SPATA13: variants seen among roughly 807,000 people sequenced by gnomAD.
SPATA13 encodes spermatogenesis associated 13.
Under a neutral mutation model 104.0 loss-of-function variants are expected in SPATA13, and 50 were observed. The observed-to-expected ratio is 0.48, with a 90% CI of 0.38 to 0.61. The LOEUF (loss-of-function observed/expected upper bound fraction) is 0.61. Ranked by LOEUF, SPATA13 falls within the 20% of genes least tolerant of loss-of-function variation. The pLI, the probability that SPATA13 is intolerant of heterozygous loss-of-function variation, is 0.00. For synonymous variants in SPATA13, 606 were observed against 667.5 expected, an observed-to-expected ratio of 0.91 and a Z score of 1.42; for missense variants, 1,524 against 1,690.6, an observed-to-expected ratio of 0.90 and a Z score of 1.73.
intron 1 of SPATA13, among the ~76,000 whole-genome samples, chr13:24,178,196 A>G (rs561900575): frequency 8.5e-4 from 129 of 152,316 alleles, no homozygotes; most frequent in African/African-American, 3.0e-3. Flanking sequence ...AGATCAACAT[A>G]AAAATTTCCA....
intron 1 of SPATA13, among the ~76,000 whole-genome samples, chr13:24,184,323 A>G (rs1318122487): frequency 3.3e-5 from 5 of 152,168 alleles, no homozygotes; most frequent in Non-Finnish European, 7.3e-5. Flanking sequence ...ATTGTACCCA[A>G]TAATTACTTA....
chr13:24,232,363 TCTTTA>T (rs60948401), intron 2 of SPATA13, among the ~76,000 whole-genome samples: 41,494 of 151,940 alleles, frequency 0.27, 5,896 homozygotes, highest in Non-Finnish European at 0.32. Flanking sequence ...GGGCAAGTCT[TCTTTA>T]CTTTACTGAT....
At chr13:24,213,709 A>G (rs1871145997) in intron 1 of SPATA13, among the ~76,000 whole-genome samples, 1 of 152,228 alleles carries the variant, frequency 6.6e-6, no homozygotes, top group African/African-American at 2.4e-5. Flanking sequence ...ATTACTAATG[A>G]ACAACTTTAA....
At position 24,197,068 on chromosome 13, in the gene SPATA13, C is replaced by T. The variant is rs150250567; in HGVS notation, c.-111-25751C>T. On this transcript the variant is annotated intron_variant, in intron 1 of 12. Transcript: ENST00000382108. ...GCAACAGCAGGTGGCCAAATAACAA[C>T]CAGAGGGCACCTGAGATGGGTATGA... 3.2e-3 allele frequency among the ~76,000 whole-genome samples: 484 copies of T among 152,214 alleles called. 4 individuals carry two copies. Among genetic ancestry groups the T allele is most frequent in the African/African-American group, 0.011 (472 of 41,532 alleles).
intron 7 of SPATA13, among the ~76,000 whole-genome samples, chr13:24,287,460 GC>G (rs1876037275): frequency 6.6e-6 from 1 of 152,210 alleles, no homozygotes. Flanking sequence ...AGTGTGCCCG[GC>G]CCCTCTCTTA....
intron 1 of SPATA13, among the ~76,000 whole-genome samples, chr13:24,208,541 G>A (rs796407799): frequency 1.0e-4 from 15 of 150,504 alleles, no homozygotes; most frequent in African/African-American, 3.7e-4. Context: ...CTTTTCTCCA[G>A]TGGATCGGTT....
intron 4 of SPATA13, among the ~76,000 whole-genome samples, chr13:24,259,256 C>A (rs549029548): frequency 3.5e-4 from 53 of 152,356 alleles, no homozygotes; most frequent in African/African-American, 1.2e-3. Context: ...ATCAGTGCAT[C>A]TTTCTGCTGC....
rs1291406165 is a variant in SPATA13, at chr13:24,205,171, A to C, written c.-111-17648A>C. ...CAAACTATCCCTGTTTGCAGATGAC[A>C]TGATTCTGTATCCTGAAAACCCCAA... On this transcript the variant is annotated intron_variant, in intron 1 of 12. Transcript: ENST00000382108. The surrounding 1 kb of genome is among the most constrained non-coding windows in gnomAD (Gnocchi z 4.1). 2.0e-5 allele frequency among the ~76,000 whole-genome samples: 3 copies of C among 152,214 alleles called. No homozygotes were observed. Among genetic ancestry groups the C allele is most frequent in the Non-Finnish European group, 4.4e-5 (3 of 68,042 alleles).
intron 2 of SPATA13, among the ~76,000 whole-genome samples, chr13:24,238,795 A>G (rs1460048326): frequency 6.6e-6 from 1 of 152,152 alleles, no homozygotes; most frequent in African/African-American, 2.4e-5. Flanking sequence ...TGTGATATAA[A>G]TTTTTCATCT....
rs1040921987 is a variant in SPATA13 at position 24,224,370 on chromosome 13, G to C, written c.1441G>C (p.Gly481Arg). Residue 481 changes from glycine to arginine, a missense_variant, in exon 2 of 13, where the codon GGG (glycine) becomes CGG (arginine). Gly to Arg is a moderately radical substitution (Grantham distance 125, BLOSUM62 -2). Transcript: ENST00000382108. ...PQSPQSPQSP[G>R]AGSASCHSNH... ...GAGCCCTCAGAGCCCCCAGAGCCCC[G>C]GGGCAGGAAGTGCCAGCTGTCACAG... 5 of 1,551,608 alleles carry C rather than the reference G, an allele frequency of 3.2e-6. No individual in the cohort carries two copies. The highest frequency in any genetic ancestry group is 4.4e-6 in the Non-Finnish European group (5 of 1,146,976).
intron 4 of SPATA13, chr13:24,252,730 C>T (rs1665559779): frequency 6.6e-6 from 1 of 152,134 alleles, no homozygotes; most frequent in Admixed American, 6.5e-5. Context: ...GCAACAAAAC[C>T]TAACTCTGGC....
chr13:24,080,593 C>T (rs545302609), intron 3 of SPATA13, among the ~76,000 whole-genome samples: 1 of 152,274 alleles, frequency 6.6e-6, no homozygotes, highest in East Asian at 1.9e-4. Context: ...GTGGACAGGC[C>T]GCACACCACC....
At chr13:24,109,780 G>A (rs1880576722) in intron 3 of SPATA13, among the ~76,000 whole-genome samples, 1 of 152,054 alleles carries the variant, frequency 6.6e-6, no homozygotes, top group Non-Finnish European at 1.5e-5. Context: ...CTAGGAGGTT[G>A]TTTGTACATT....
intron 1 of SPATA13, among the ~76,000 whole-genome samples, chr13:24,218,236 G>A (rs1283387080): frequency 6.6e-6 from 1 of 152,198 alleles, no homozygotes; most frequent in Admixed American, 6.5e-5. Flanking sequence ...CAGGTGGAAG[G>A]TAATGCAGGC....
chr13:24,042,685 G>T (rs182737805), intron 3 of SPATA13, among the ~76,000 whole-genome samples: 31 of 152,342 alleles, frequency 2.0e-4, no homozygotes, highest in African/African-American at 6.7e-4. Context: ...TTCTCAAAAT[G>T]CATTGTGCAT....
intron 1 of SPATA13, among the ~76,000 whole-genome samples, chr13:24,191,123 A>G (rs540861893): frequency 6.6e-6 from 1 of 152,086 alleles, no homozygotes; most frequent in Non-Finnish European, 1.5e-5. Flanking sequence ...TTTTAAATTT[A>G]TTAATTAAAT....
rs150445754 is a variant in SPATA13 at position 24,263,458 on chromosome 13, G to A, written c.2164+11596G>A. ...GGCTGTTGATTATACAGTCATCCCT[G>A]GTTGTCTGAGGGGGATTGGTTCCAG... On this transcript the variant is annotated intron_variant, in intron 4 of 12. Coordinates refer to ENST00000382108, the MANE Select transcript of SPATA13 (RefSeq NM_001166271.3). Among the ~76,000 whole-genome samples, 552 of 152,286 alleles carry A rather than the reference G, an allele frequency of 3.6e-3. 7 individuals are homozygous for A. Among genetic ancestry groups the A allele is most frequent in the African/African-American group, 0.013 (534 of 41,564 alleles).
chr13:24,211,909 C>T (rs7327336), intron 1 of SPATA13, among the ~76,000 whole-genome samples: 34,919 of 152,018 alleles, frequency 0.23, 4,386 homozygotes, highest in South Asian at 0.3. Flanking sequence ...TTAGAGCATC[C>T]GTGTGTCGGC....
chr13:24,016,939 A>G (rs1207242507), intron 2 of SPATA13, among the ~76,000 whole-genome samples: 1 of 152,222 alleles, frequency 6.6e-6, no homozygotes, highest in Non-Finnish European at 1.5e-5. Context: ...TTACTGAATG[A>G]CAGTGGATGG....
Sources: gnomAD v4.1 joint callset for allele counts (sites outside exome capture counted in the v4.1 genomes callset) on GRCh38, gnomAD v4.1.1 for gene constraint, Gnocchi (gnomAD v3.1) non-coding constraint, MANE v1.5 for transcripts, NCBI Gene and HGNC (gene_info 2026-07-23, HGNC 2026-07-21) for gene names.